Variants in GALNT17 observed in about 807,000 individuals in gnomAD.
The protein encoded by GALNT17 is polypeptide N-acetylgalactosaminyltransferase 17.
A neutral mutation model predicts 63.7 loss-of-function variants in GALNT17; 29 were observed. The observed-to-expected ratio is 0.46, with a 90% CI of 0.34 to 0.62. The LOEUF (loss-of-function observed/expected upper bound fraction) is 0.62. GALNT17 is among the 20% of genes least tolerant of loss of function. The pLI is 0.01. For synonymous variants in GALNT17, 305 were observed against 318.3 expected, an observed-to-expected ratio of 0.96 and a Z score of 0.45; for missense variants, 603 against 799.6, an observed-to-expected ratio of 0.75 and a Z score of 2.97.
intron 1 of GALNT17, among the ~76,000 whole-genome samples, chr7:71,292,246 C>T (rs1331960475): frequency 6.6e-6 from 1 of 152,126 alleles, no homozygotes; most frequent in Non-Finnish European, 1.5e-5. Flanking sequence ...TAATGGGTTG[C>T]ACCACAGGTA....
intron 1 of GALNT17, among the ~76,000 whole-genome samples, chr7:71,303,182 G>T (rs1398853605): frequency 1.3e-5 from 2 of 150,154 alleles, no homozygotes; most frequent in Admixed American, 1.3e-4. Flanking sequence ...TTTGAGACAG[G>T]TTCTCGCTGT....
intron 1 of GALNT17, among the ~76,000 whole-genome samples, chr7:71,276,745 C>T (rs570057046): frequency 6.6e-6 from 1 of 152,286 alleles, no homozygotes; most frequent in East Asian, 1.9e-4. Context: ...CACCTGTAAT[C>T]CCAGCACTTT....
intron 5 of GALNT17, among the ~76,000 whole-genome samples, chr7:71,435,518 A>G (rs79843779): frequency 0.014 from 2,128 of 152,224 alleles, 43 homozygotes; most frequent in African/African-American, 0.049. Flanking sequence ...TCCTAAGATC[A>G]GTGCTTGAGA....
At chr7:71,334,013 G>A (rs959790597) in intron 1 of GALNT17, among the ~76,000 whole-genome samples, 3 of 152,270 alleles carry the variant, frequency 2.0e-5, no homozygotes, top group African/African-American at 7.2e-5. Flanking sequence ...TGAGGGAGCA[G>A]GTAGAAAGTG....
At chr7:71,623,371 C>T (rs755646256) in intron 6 of GALNT17, among the ~76,000 whole-genome samples, 4 of 149,516 alleles carry the variant, frequency 2.7e-5, no homozygotes, top group East Asian at 2.0e-4. Context: ...TACGTGTAAG[C>T]GCTTGTTTCT....
intron 9 of GALNT17, among the ~76,000 whole-genome samples, chr7:71,690,031 T>C (rs1000971033): frequency 4.6e-5 from 7 of 151,404 alleles, no homozygotes; most frequent in African/African-American, 9.7e-5. Context: ...TTTTTTTTTT[T>C]TTTCTTTTTT....
intron 1 of GALNT17, among the ~76,000 whole-genome samples, chr7:71,246,655 C>T (rs1469867147): frequency 6.6e-6 from 1 of 151,466 alleles, no homozygotes; most frequent in Non-Finnish European, 1.5e-5. Flanking sequence ...ACGGTGAAAC[C>T]CCATCTCTAC....
intron 8 of GALNT17, among the ~76,000 whole-genome samples, chr7:71,672,678 A>G (rs1279930752): frequency 6.6e-6 from 1 of 152,094 alleles, no homozygotes; most frequent in Non-Finnish European, 1.5e-5. Flanking sequence ...CAGCCTCCCG[A>G]GTAGCTGGGA....
intron 2 of GALNT17, among the ~76,000 whole-genome samples, chr7:71,337,643 G>A (rs1791932309): frequency 6.6e-6 from 1 of 152,128 alleles, no homozygotes; most frequent in South Asian, 2.1e-4. Flanking sequence ...GCTGAGGAGG[G>A]TGGATCACGA....
chr7:71,575,707 A>G (rs1177065048), intron 6 of GALNT17, among the ~76,000 whole-genome samples: 1 of 152,044 alleles, frequency 6.6e-6, no homozygotes, highest in Admixed American at 6.6e-5. Context: ...TTAAACCAAG[A>G]AATGGCTCAA....
At chr7:71,645,184 AG>A (rs1233048172) in intron 6 of GALNT17, among the ~76,000 whole-genome samples, 1 of 152,212 alleles carries the variant, frequency 6.6e-6, no homozygotes, top group Non-Finnish European at 1.5e-5. Flanking sequence ...GAGGCGCCAA[AG>A]CTGACACCAA....
At chr7:71,292,489 A>G (rs1348395133) in intron 1 of GALNT17, among the ~76,000 whole-genome samples, 1 of 152,144 alleles carries the variant, frequency 6.6e-6, no homozygotes, top group Non-Finnish European at 1.5e-5. Context: ...TGAACTGAGC[A>G]TTTTTAACAG....
chr7:71,324,198 T>G (rs1791663817), intron 1 of GALNT17, among the ~76,000 whole-genome samples: 1 of 152,170 alleles, frequency 6.6e-6, no homozygotes, highest in South Asian at 2.1e-4. Context: ...CTAATGAATT[T>G]CAAGCAAGCA....
At position 71,571,254 on chromosome 7, in the gene GALNT17, A is replaced by G. The variant is rs1584058918; in HGVS notation, c.963-31A>G. 2.5e-6 allele frequency: 4 copies of G among 1,602,034 alleles called. No homozygotes were observed. In the Admixed American group the frequency reaches 6.7e-5, roughly 27 times the overall value. On this transcript the variant is annotated intron_variant, in intron 5 of 10. Transcript: ENST00000333538. ...GAAGGGCTTCTGGCACTGACACCTC[A>G]ATGAGCTTCCCTTCTTTCTCCCTCC...
At chr7:71,523,410 CAG>C (rs1788561958) in intron 5 of GALNT17, among the ~76,000 whole-genome samples, 1 of 152,248 alleles carries the variant, frequency 6.6e-6, no homozygotes, top group South Asian at 2.1e-4. Context: ...GCATGGGTGA[CAG>C]AGCGAGACCC....
chr7:71,333,392 G>A (rs1791840867), intron 1 of GALNT17, among the ~76,000 whole-genome samples: 1 of 152,136 alleles, frequency 6.6e-6, no homozygotes. Context: ...TGTTTCTCCA[G>A]TCATCAGTTG....
At chr7:71,146,160 C>T (rs1238611370) in intron 1 of GALNT17, among the ~76,000 whole-genome samples, 4 of 152,126 alleles carry the variant, frequency 2.6e-5, no homozygotes, top group African/African-American at 9.7e-5. Flanking sequence ...ATTCAGTCTC[C>T]TCTCAGCTCC....
At chr7:71,704,697 A>G (rs1306557386) in intron 9 of GALNT17, among the ~76,000 whole-genome samples, 2 of 152,200 alleles carry the variant, frequency 1.3e-5, no homozygotes, top group Non-Finnish European at 2.9e-5. Context: ...TCACATTTAG[A>G]GTCTAGAAAC....
At chr7:71,147,337 A>C (rs1174464772) in intron 1 of GALNT17, among the ~76,000 whole-genome samples, 1 of 152,172 alleles carries the variant, frequency 6.6e-6, no homozygotes, top group African/African-American at 2.4e-5. Flanking sequence ...GTTTGAGGGC[A>C]GGAAGCATCC....
Sources: gnomAD v4.1 joint callset for allele counts (sites outside exome capture counted in the v4.1 genomes callset) on GRCh38, gnomAD v4.1.1 for gene constraint, MANE v1.5 for transcripts, NCBI Gene and HGNC (gene_info 2026-07-23, HGNC 2026-07-21) for gene names.